The following CCDC80 variants were observed in gnomAD, a reference collection of about 807,000 sequenced individuals.
CCDC80 encodes the protein coiled-coil domain-containing protein 80.
In CCDC80, 49 loss-of-function variants were observed where a neutral mutation model predicts 78.7. That is an observed-to-expected ratio of 0.62 (90% CI 0.50 to 0.79). CCDC80 has a LOEUF of 0.79. Ranked by LOEUF, CCDC80 falls within the 30% of genes least tolerant of loss-of-function variation. CCDC80 has a pLI of 0.00. For synonymous variants in CCDC80, 488 were observed against 447.0 expected (o/e 1.09, Z -1.16); for missense variants, 1,205 against 1,198.6 (o/e 1.01, Z -0.08).
chr3:112,599,678 T>C lies in CCDC80; in HGVS notation c.*5739A>G, dbSNP rs1935341782. 1 of 152,302 alleles carries C rather than the reference T, an allele frequency of 6.6e-6. No individual in the cohort carries two copies. Among genetic ancestry groups the C allele is most frequent in the African/African-American group, 2.4e-5 (1 of 41,464 alleles). The allele number at this position is 152,302 out of a possible 1,614,324, so 9.4% of individuals were successfully genotyped here. On this transcript the variant is annotated 3_prime_UTR_variant, in exon 8 of 8. Transcript: ENST00000206423. ...CCCTACTCTCGGGCTGCTTCCATCC[T>C]CCAGGCTTCTAGAAGTTGAGAAAGT...
Position 112,602,133 on chromosome 3 carries a change from CTG to C in CCDC80, c.*3282_*3283del, listed in dbSNP as rs1172167920. 6 of 152,274 alleles carry C rather than the reference CTG, an allele frequency of 3.9e-5. No homozygotes were observed. The highest frequency in any genetic ancestry group is 2.1e-4 in the South Asian group (1 of 4,824). The allele number at this position is 152,274 out of a possible 1,614,324, so 9.4% of individuals were successfully genotyped here. On this transcript the variant is annotated 3_prime_UTR_variant, in exon 8 of 8. Coordinates refer to ENST00000206423, the MANE Select transcript of CCDC80 (RefSeq NM_199511.3). ...ATTTCACACTGTTTCATTATTATCT[CTG>C]TTATTAAAATCTGTAGTCAACGATC...
chr3:112,634,932 T>A (rs1936176012), intron 2 of CCDC80, among the ~76,000 whole-genome samples: 1 of 152,168 alleles, frequency 6.6e-6, no homozygotes, highest in Non-Finnish European at 1.5e-5. Context: ...TAGAAAGGGG[T>A]AAATAAATCA....
At chr3:112,625,304 G>A (rs1559879018) in intron 3 of CCDC80, among the ~76,000 whole-genome samples, 1 of 152,162 alleles carries the variant, frequency 6.6e-6, no homozygotes, top group Non-Finnish European at 1.5e-5. Context: ...AAACATTGTT[G>A]TTGGAACTGC....
intron 2 of CCDC80, among the ~76,000 whole-genome samples, chr3:112,635,697 A>G (rs921071296): frequency 2.0e-4 from 30 of 152,244 alleles, no homozygotes; most frequent in African/African-American, 7.0e-4. Context: ...GCCTTCTGTT[A>G]GTATTTTGTT....
chr3:112,626,925 A>G (rs1314407648), intron 3 of CCDC80, among the ~76,000 whole-genome samples: 1 of 152,174 alleles, frequency 6.6e-6, no homozygotes, highest in Non-Finnish European at 1.5e-5. Flanking sequence ...CCTTGTTGCC[A>G]TATTCCACCT....
intron 4 of CCDC80, among the ~76,000 whole-genome samples, chr3:112,617,618 G>A (rs757741187): frequency 6.6e-6 from 1 of 152,250 alleles, no homozygotes; most frequent in African/African-American, 2.4e-5. Context: ...GACAACATGT[G>A]TGCAGAATTA....
At chr3:112,613,234 C>T (rs1443764212) in intron 5 of CCDC80, among the ~76,000 whole-genome samples, 1 of 152,142 alleles carries the variant, frequency 6.6e-6, no homozygotes, top group Non-Finnish European at 1.5e-5. Flanking sequence ...TTAAGTAGTA[C>T]ACTATTCCAC....
rs193260019 is a variant in CCDC80, at chr3:112,629,229, C to A, written c.2035+884G>T. On this transcript the variant is annotated intron_variant, in intron 3 of 7. Coordinates refer to ENST00000206423, the MANE Select transcript of CCDC80 (RefSeq NM_199511.3). ...GTGCTTTTAGATGAAATATATTTTA[C>A]GGAAACTATGCAGAATATGCAAACG... 8.0e-4 allele frequency among the ~76,000 whole-genome samples: 120 copies of A among 149,746 alleles called. No individual in the cohort carries two copies. In the Middle Eastern group the frequency reaches 0.011, roughly 13 times the overall value.
At chr3:112,616,435 A>G (rs1338236694) in intron 5 of CCDC80, among the ~76,000 whole-genome samples, 1 of 84,484 alleles carries the variant, frequency 1.2e-5, no homozygotes, top group African/African-American at 9.2e-5. Flanking sequence ...AAAGAAAGAG[A>G]AAAAAAAAGA....
In CCDC80 at chr3:112,599,453, C is replaced by G. The variant is rs1935337929; in HGVS notation, c.*5964G>C. On this transcript the variant is annotated 3_prime_UTR_variant, in exon 8 of 8. Transcript: ENST00000206423. ...AGAGCACTCACCAAGCCACAACCTG[C>G]TATCTGCACACCCCACACCATGAGG... 1 of 152,254 alleles carries G rather than the reference C, an allele frequency of 6.6e-6. No individual in the cohort carries two copies. Among genetic ancestry groups the G allele is most frequent in the South Asian group, 2.1e-4 (1 of 4,824 alleles). 9.4% of individuals were successfully genotyped at this position (152,254 alleles called of 1,614,324 possible).
At position 112,607,527 on chromosome 3, in the gene CCDC80, C is replaced by G. The variant is rs139284380; in HGVS notation, c.2426-271G>C. Reference sequence around the variant, plus strand: ...CCATGCTGGGCGCGGCGGCTCATGCCTGTAATCCCAGCACTTTGGGAGGCC... The same window carrying G: ...CCATGCTGGGCGCGGCGGCTCATGCGTGTAATCCCAGCACTTTGGGAGGCC... On this transcript the variant is annotated intron_variant, in intron 6 of 7. Transcript: ENST00000206423. Among the ~76,000 whole-genome samples, 283 of 152,300 alleles carry G rather than the reference C, an allele frequency of 1.9e-3. 5 individuals are homozygous for G. The East Asian group carries it at 0.041, about 22-fold the overall frequency.
rs901989353 is a variant in CCDC80, at chr3:112,607,270, G to A, written c.2426-14C>T. ...TGTGGCGCAGACCTGAGAGAAAAAA[G>A]AAAACCATAGGATTAGAGGAAAGGA... On this transcript the variant is annotated splice_polypyrimidine_tract_variant and intron_variant, in intron 6 of 7. Transcript: ENST00000206423. 1.2e-5 allele frequency: 19 copies of A among 1,599,988 alleles called. No individual in the cohort carries two copies. The African/African-American group carries it at 2.6e-4, about 22-fold the overall frequency.
intron 2 of CCDC80, among the ~76,000 whole-genome samples, chr3:112,635,464 G>T (rs1936188125): frequency 6.6e-6 from 1 of 152,162 alleles, no homozygotes; most frequent in Admixed American, 6.5e-5. Context: ...AAGTTTGATG[G>T]GAAAAGTGAG....
chr3:112,610,663 G>A, intron 5 of CCDC80, among the ~76,000 whole-genome samples: 1 of 152,078 alleles, frequency 6.6e-6, no homozygotes. Context: ...TTCTTCCAGA[G>A]GCAAATGCAA....
intron 2 of CCDC80, 45 bp from the exon 3 acceptor site, chr3:112,630,314 T>C: frequency 6.3e-7 from 1 of 1,588,848 alleles, no homozygotes; most frequent in East Asian, 2.2e-5. Context: ...ATAGTGATAG[T>C]TTCACACTGA....
At chr3:112,629,599 TG>T (rs1258558406) in intron 3 of CCDC80, among the ~76,000 whole-genome samples, 1 of 152,200 alleles carries the variant, frequency 6.6e-6, no homozygotes, top group East Asian at 1.9e-4. Context: ...CAAAAGGACT[TG>T]GGTGCAGTTC....
At chr3:112,621,414 C>G (rs1263811002) in intron 3 of CCDC80, among the ~76,000 whole-genome samples, 1 of 152,170 alleles carries the variant, frequency 6.6e-6, no homozygotes, top group African/African-American at 2.4e-5. Context: ...GCAAGCCCAG[C>G]CAAGATCAGC....
Position 112,639,003 on chromosome 3 carries a change from T to G in CCDC80, c.903A>C (p.Ala301=), listed in dbSNP as rs766433385. ...VAEGNDGGGG[A]GRPSLGSEKK... ...TCTCGCTGCCCAGGCTTGGCCTTCC[T>G]GCTCCCCCTCCACCGTCATTCCCCT... is the stretch of plus-strand genomic sequence containing the variant. The change falls in exon 2 of 8, where the codon GCA becomes GCC. Residue 301 remains alanine (A), a synonymous_variant. Coordinates refer to ENST00000206423, the MANE Select transcript of CCDC80 (RefSeq NM_199511.3). 6 of 1,611,384 alleles carry G rather than the reference T, an allele frequency of 3.7e-6. No individual in the cohort carries two copies. The East Asian group carries it at 1.3e-4, about 36-fold the overall frequency.
intron 4 of CCDC80, among the ~76,000 whole-genome samples, chr3:112,617,305 G>T (rs1157777699): frequency 6.6e-6 from 1 of 152,122 alleles, no homozygotes; most frequent in African/African-American, 2.4e-5. Context: ...GTGGTCCCAG[G>T]GATTGTTTTA....
Sources: gnomAD v4.1 joint callset for allele counts (sites outside exome capture counted in the v4.1 genomes callset) on GRCh38, gnomAD v4.1.1 for gene constraint, MANE v1.5 for transcripts, NCBI Gene and HGNC (gene_info 2026-07-23, HGNC 2026-07-21) for gene names.